MOB3B: variants seen among roughly 807,000 people sequenced by gnomAD.
MOB3B encodes MOB kinase activator 3B, also known as MOB kinase activator-like 2B.
In MOB3B, 7 loss-of-function variants were observed where a neutral mutation model predicts 18.7. That is an observed-to-expected ratio of 0.37 (90% CI 0.21 to 0.70). The LOEUF (loss-of-function observed/expected upper bound fraction) is 0.70. MOB3B is among the 30% of genes least tolerant of loss of function. The probability of loss-of-function intolerance (pLI) is 0.52; values close to 1 mark genes in which losing one functional copy is unlikely to be tolerated. For missense variants in MOB3B, 253 were observed against 281.3 expected, an observed-to-expected ratio of 0.90 and a Z score of 0.72; for synonymous variants, 111 against 99.9, an observed-to-expected ratio of 1.11 and a Z score of -0.66.
intron 3 of MOB3B, among the ~76,000 whole-genome samples, chr9:27,336,334 G>C (rs919925270): frequency 3.9e-5 from 6 of 152,154 alleles, no homozygotes; most frequent in Non-Finnish European, 5.9e-5. Flanking sequence ...TGGATAAGGG[G>C]GGGGAAGAGC....
intron 1 of MOB3B, among the ~76,000 whole-genome samples, chr9:27,470,729 C>T (rs1457793964): frequency 1.3e-5 from 2 of 152,156 alleles, no homozygotes; most frequent in Admixed American, 6.5e-5. Context: ...GGTGGAGGTT[C>T]AGCCTACCCC....
chr9:27,518,709 T>C (rs1214912435), intron 1 of MOB3B, among the ~76,000 whole-genome samples: 3 of 152,142 alleles, frequency 2.0e-5, no homozygotes, highest in African/African-American at 4.8e-5. Context: ...CTAAGGTTGA[T>C]AAAATTAAAT....
At chr9:27,459,903 TAA>T (rs1819256568) in intron 1 of MOB3B, among the ~76,000 whole-genome samples, 1 of 140,160 alleles carries the variant, frequency 7.1e-6, no homozygotes, top group African/African-American at 2.6e-5. Context: ...AAAAAAGTCA[TAA>T]AGTTTTCCTT....
At chr9:27,352,669 T>C (rs1189342207) in intron 3 of MOB3B, among the ~76,000 whole-genome samples, 3 of 152,128 alleles carry the variant, frequency 2.0e-5, no homozygotes, top group Admixed American at 6.5e-5. Flanking sequence ...CTGTGTGGTT[T>C]GAGGCCAGGG....
At chr9:27,510,832 C>A (rs1054333510) in intron 1 of MOB3B, among the ~76,000 whole-genome samples, 9 of 152,222 alleles carry the variant, frequency 5.9e-5, no homozygotes, top group African/African-American at 1.7e-4. Flanking sequence ...AAGTTCCACA[C>A]AGTGGGGGTC....
intron 2 of MOB3B, among the ~76,000 whole-genome samples, chr9:27,427,242 C>A (rs1822347765): frequency 6.6e-6 from 1 of 152,160 alleles, no homozygotes; most frequent in African/African-American, 2.4e-5. Context: ...AACCCATAGA[C>A]TTTATGTTCA....
intron 3 of MOB3B, among the ~76,000 whole-genome samples, chr9:27,334,353 CAAGACCGGTTATTTAAAAAACAAA>C (rs1820832684): frequency 6.6e-6 from 1 of 151,972 alleles, no homozygotes; most frequent in Non-Finnish European, 1.5e-5. Context: ...TCTAAGAAAA[CAAGACCGGTTATTTAAAAAACAAA>C]AAGGAAAGTA....
At chr9:27,361,820 T>C (rs184803860) in intron 2 of MOB3B, among the ~76,000 whole-genome samples, 261 of 152,328 alleles carry the variant, frequency 1.7e-3, no homozygotes, top group African/African-American at 5.9e-3. Flanking sequence ...CACACACTTT[T>C]AGCTCTGAAG....
At chr9:27,372,949 T>A (rs559254253) in intron 2 of MOB3B, among the ~76,000 whole-genome samples, 1 of 152,232 alleles carries the variant, frequency 6.6e-6, no homozygotes, top group African/African-American at 2.4e-5. Flanking sequence ...GAGGGATATA[T>A]GGGAACTCTG....
chr9:27,478,775 T>C (rs1819600179), intron 1 of MOB3B, among the ~76,000 whole-genome samples: 1 of 150,150 alleles, frequency 6.7e-6, no homozygotes, highest in Admixed American at 6.7e-5. Flanking sequence ...ATGTTCTTGA[T>C]TTAGAAAATT....
chr9:27,397,559 C>G (rs943996298), intron 2 of MOB3B: 1 of 152,136 alleles, frequency 6.6e-6, no homozygotes, highest in African/African-American at 2.4e-5. Flanking sequence ...GAGTGCAAAT[C>G]TGTGAAATTT....
At chr9:27,483,728 G>A (rs1819697075) in intron 1 of MOB3B, among the ~76,000 whole-genome samples, 1 of 152,096 alleles carries the variant, frequency 6.6e-6, no homozygotes, top group South Asian at 2.1e-4. Context: ...GTATGCTCGT[G>A]GGCAGAAGAG....
At chr9:27,488,082 G>A (rs1010766118) in intron 1 of MOB3B, among the ~76,000 whole-genome samples, 1 of 152,172 alleles carries the variant, frequency 6.6e-6, no homozygotes, top group African/African-American at 2.4e-5. Context: ...TTATTTATCT[G>A]CTGTTTCAGC....
chr9:27,443,542 T>C (rs1822627821), intron 2 of MOB3B, among the ~76,000 whole-genome samples: 1 of 152,222 alleles, frequency 6.6e-6, no homozygotes, highest in Non-Finnish European at 1.5e-5. Context: ...TACCCAACCA[T>C]ATTTGCCATC....
chr9:27,403,373 T>C (rs370430511), intron 2 of MOB3B, among the ~76,000 whole-genome samples: 85 of 152,288 alleles, frequency 5.6e-4, no homozygotes, highest in Middle Eastern at 3.4e-3. Flanking sequence ...TCAGTTACTT[T>C]AAATTATTTA....
At position 27,404,347 on chromosome 9, in the gene MOB3B, C is replaced by CTTTTTTTTTTTTTTTT. The variant is rs756275032; in HGVS notation, c.419-45127_419-45112dup. 2.7e-4 allele frequency among the ~76,000 whole-genome samples: 20 copies of CTTTTTTTTTTTTTTTT among 75,172 alleles called. 1 individual carries two copies. Among genetic ancestry groups the CTTTTTTTTTTTTTTTT allele is most frequent in the African/African-American group, 4.6e-4 (8 of 17,412 alleles). The allele number at this position is 75,172 out of a possible 152,430, so 49.3% of individuals were successfully genotyped here. A position where few individuals can be genotyped will look rare whatever the true frequency, so the allele number is the denominator to read the frequency against. ...TCTTTCTTTCTTTCCTTCTTTCTTT[C>CTTTTTTTTTTTTTTTT]TTTTTTTTTTTTTTTTTTTTTTTTT... On this transcript the variant is annotated intron_variant, in intron 2 of 3. Coordinates refer to ENST00000262244, the MANE Select transcript of MOB3B (RefSeq NM_024761.5).
intron 2 of MOB3B, among the ~76,000 whole-genome samples, chr9:27,367,614 A>G (rs2104804): frequency 0.15 from 23,441 of 152,132 alleles, 2,850 homozygotes; most frequent in African/African-American, 0.34. Context: ...CACAAGGACT[A>G]AATGAGAAGC....
chr9:27,519,555 G>C (rs1483777357), intron 1 of MOB3B, among the ~76,000 whole-genome samples: 1 of 152,162 alleles, frequency 6.6e-6, no homozygotes, highest in Non-Finnish European at 1.5e-5. Flanking sequence ...AAACAAGCCA[G>C]TTGTTATACC....
chr9:27,412,230 T>C (rs73433098), intron 2 of MOB3B, among the ~76,000 whole-genome samples: 2,500 of 149,944 alleles, frequency 0.017, 74 homozygotes, highest in African/African-American at 0.058. Context: ...GAGGCAGCCA[T>C]ACCTACCCCC....
Sources: allele counts gnomAD v4.1 joint callset (sites outside exome capture counted in the v4.1 genomes callset), GRCh38; gene constraint gnomAD v4.1.1; transcripts MANE v1.5; gene names NCBI Gene and HGNC (gene_info 2026-07-23, HGNC 2026-07-21).